CNTNAP3B: variants seen among roughly 807,000 people sequenced by gnomAD.
The protein encoded by CNTNAP3B is contactin-associated protein-like 3B.
A neutral mutation model predicts 108.9 loss-of-function variants in CNTNAP3B; 25 were observed. The ratio of observed to expected loss-of-function variants is 0.23; its 90% CI spans 0.17 to 0.32. CNTNAP3B has a LOEUF of 0.32. CNTNAP3B is among the 10% of genes least tolerant of loss of function. CNTNAP3B has a pLI of 1.00. For missense variants in CNTNAP3B, 252 were observed against 1,210.4 expected (o/e 0.21, Z 11.75); for synonymous variants, 103 against 473.4 (o/e 0.22, Z 10.16).
chr9:41,963,354 G>A (rs1255240276), intron 11 of CNTNAP3B, among the ~76,000 whole-genome samples: 6 of 151,886 alleles, frequency 4.0e-5, no homozygotes, highest in Non-Finnish European at 8.8e-5. Flanking sequence ...GAGATATACA[G>A]AAAGAAAACT....
intron 1 of CNTNAP3B, among the ~76,000 whole-genome samples, chr9:42,125,806 C>A (rs1305699464): frequency 7.6e-6 from 1 of 131,968 alleles, no homozygotes. Context: ...TTAGTAGAGG[C>A]AGGGTTTCAC....
chr9:41,951,837 G>A (rs1213681968), intron 13 of CNTNAP3B, among the ~76,000 whole-genome samples: 1 of 152,230 alleles, frequency 6.6e-6, no homozygotes, highest in African/African-American at 2.4e-5. Flanking sequence ...AACACTTTGG[G>A]AGGCTGAGGC....
chr9:41,973,138 G>T, intron 9 of CNTNAP3B, among the ~76,000 whole-genome samples: 1 of 141,642 alleles, frequency 7.1e-6, no homozygotes, highest in South Asian at 2.4e-4. Flanking sequence ...CAGTAGAGAC[G>T]GGGTTTCACC....
chr9:42,033,258 G>T lies in CNTNAP3B; in HGVS notation c.391-19733C>A, dbSNP rs1277640751. ...CTAATCTTACCCAATTTGACTTACT[G>T]AAGGCAATTTTGAGATAAAATCTCA... On this transcript the variant is annotated intron_variant, in intron 3 of 23. Coordinates refer to ENST00000377561, the MANE Select transcript of CNTNAP3B (RefSeq NM_001201380.3). 2.0e-5 allele frequency among the ~76,000 whole-genome samples: 3 copies of T among 148,968 alleles called. 1 individual carries two copies. Among genetic ancestry groups the T allele is most frequent in the Non-Finnish European group, 3.0e-5 (2 of 67,650 alleles).
At chr9:42,063,357 C>T (rs1358185174) in intron 3 of CNTNAP3B, among the ~76,000 whole-genome samples, 1 of 134,780 alleles carries the variant, frequency 7.4e-6, no homozygotes. Flanking sequence ...TTCCTTTCAG[C>T]ACTTGAATAT....
At chr9:42,063,852 G>T (rs1225323648) in intron 3 of CNTNAP3B, among the ~76,000 whole-genome samples, 1 of 150,352 alleles carries the variant, frequency 6.7e-6, no homozygotes, top group Non-Finnish European at 1.5e-5. Flanking sequence ...CTCCCAAAGC[G>T]CTGACATTAT....
rs192622832 is a variant in CNTNAP3B at position 42,030,963 on chromosome 9, T to C, written c.391-17438A>G. 9.1e-4 allele frequency among the ~76,000 whole-genome samples: 97 copies of C among 106,442 alleles called. 12 individuals are homozygous for C. Among genetic ancestry groups the C allele is most frequent in the African/African-American group, 3.6e-3 (96 of 26,490 alleles). The allele number at this position is 106,442 out of a possible 152,430, so 69.8% of individuals were successfully genotyped here. A position where few individuals can be genotyped will look rare whatever the true frequency, so the allele number is the denominator to read the frequency against. ...AGACACTTCTTCACTCTACCTTCAA[T>C]CTTTCATTTGCAAAATTACTTCGTT... is the stretch of plus-strand genomic sequence containing the variant. On this transcript the variant is annotated intron_variant, in intron 3 of 23. Transcript: ENST00000377561.
At chr9:41,947,255 T>C (rs1824554859) in intron 13 of CNTNAP3B, among the ~76,000 whole-genome samples, 2 of 152,062 alleles carry the variant, frequency 1.3e-5, no homozygotes, top group East Asian at 3.9e-4. Context: ...AGACAGACCA[T>C]ATCCCTGGGA....
Position 42,111,853 on chromosome 9 carries a change from A to T in CNTNAP3B, c.86-7114T>A, listed in dbSNP as rs1245123934. Reference sequence around the variant, plus strand: ...AACGACCTAACTAATCCTTACAGCCAATGTTTCCTTATTGACTGTCCCCAG... The same window carrying T: ...AACGACCTAACTAATCCTTACAGCCTATGTTTCCTTATTGACTGTCCCCAG... On this transcript the variant is annotated intron_variant, in intron 1 of 23. Transcript: ENST00000377561. Among the ~76,000 whole-genome samples the T allele has an allele frequency of 2.2e-5, 3 of 138,228 alleles. 1 individual carries two copies. Among genetic ancestry groups the T allele is most frequent in the African/African-American group, 8.7e-5 (3 of 34,610 alleles). 90.7% of individuals were successfully genotyped at this position (138,228 alleles called of 152,430 possible). A position where few individuals can be genotyped will look rare whatever the true frequency, so the allele number is the denominator to read the frequency against.
intron 10 of CNTNAP3B, among the ~76,000 whole-genome samples, chr9:41,967,481 C>T (rs1293182459): frequency 6.6e-6 from 1 of 152,308 alleles, no homozygotes; most frequent in African/African-American, 2.4e-5. Context: ...TATAATTACC[C>T]AGTCTTGGGT....
At chr9:41,940,314 G>A (rs1824296140) in intron 13 of CNTNAP3B, among the ~76,000 whole-genome samples, 1 of 152,258 alleles carries the variant, frequency 6.6e-6, no homozygotes, top group South Asian at 2.1e-4. Context: ...GAACTTTTTG[G>A]AAACAAAACA....
intron 3 of CNTNAP3B, among the ~76,000 whole-genome samples, chr9:42,050,076 G>A (rs1826947517): frequency 4.1e-5 from 2 of 48,582 alleles, no homozygotes; most frequent in African/African-American, 1.5e-4. Flanking sequence ...CTGCACTCAA[G>A]GGATCTGCCT....
At chr9:41,966,913 G>T (rs1156618202) in intron 10 of CNTNAP3B, among the ~76,000 whole-genome samples, 1 of 150,248 alleles carries the variant, frequency 6.7e-6, no homozygotes, top group Non-Finnish European at 1.5e-5. Flanking sequence ...CTTGCAGTGA[G>T]CCGAGATCGT....
chr9:41,969,175 T>C (rs1254604459), intron 10 of CNTNAP3B, among the ~76,000 whole-genome samples: 1 of 152,052 alleles, frequency 6.6e-6, no homozygotes, highest in African/African-American at 2.4e-5. Context: ...TGGGGCAAAT[T>C]GTATGTAGAA....
intron 11 of CNTNAP3B, among the ~76,000 whole-genome samples, chr9:41,962,198 A>C (rs982199014): frequency 1.3e-5 from 2 of 152,186 alleles, no homozygotes; most frequent in African/African-American, 4.8e-5. Context: ...ATATACAATT[A>C]ATTAGTTGCA....
At chr9:41,993,913 A>C (rs1339538266) in intron 7 of CNTNAP3B, 1 of 140,548 alleles carries the variant, frequency 7.1e-6, no homozygotes, top group East Asian at 2.1e-4. Context: ...TGTGAAACTT[A>C]CACATTTTAA....
At chr9:42,043,007 C>A (rs1416048217) in intron 3 of CNTNAP3B, among the ~76,000 whole-genome samples, 2 of 150,032 alleles carry the variant, frequency 1.3e-5, no homozygotes, top group African/African-American at 2.5e-5. Flanking sequence ...TCATCATCAT[C>A]ATCATAGCTT....
intron 14 of CNTNAP3B, among the ~76,000 whole-genome samples, chr9:41,934,100 C>CACATATATATATATATATATAT (rs1824066250): frequency 1.1e-5 from 1 of 90,224 alleles, no homozygotes; most frequent in African/African-American, 4.2e-5. Flanking sequence ...ATATTTGTTA[C>CACATATATATATATATATATAT]ATATATATAT....
At chr9:42,056,326 T>TTATTATTA (rs1827067641) in intron 3 of CNTNAP3B, among the ~76,000 whole-genome samples, 1 of 129,128 alleles carries the variant, frequency 7.7e-6, no homozygotes, top group African/African-American at 3.0e-5. Flanking sequence ...TCTCATGAAT[T>TTATTATTA]TTATTATTAT....
Sources: allele counts gnomAD v4.1 joint callset (sites outside exome capture counted in the v4.1 genomes callset), GRCh38; gene constraint gnomAD v4.1.1; transcripts MANE v1.5; gene names NCBI Gene and HGNC (gene_info 2026-07-23, HGNC 2026-07-21).